The following POLR2F variants were observed in gnomAD, a reference collection of about 807,000 sequenced individuals.
The protein encoded by POLR2F is DNA-directed RNA polymerases I, II, and III subunit RPABC2.
POLR2F carries 12 observed loss-of-function variants against 22.7 expected under a neutral mutation model. The observed-to-expected ratio is 0.53, with a 90% CI of 0.34 to 0.86. The LOEUF (loss-of-function observed/expected upper bound fraction) is 0.86, where lower values mean the gene tolerates loss of function less well. Ranked by LOEUF, POLR2F falls within the 40% of genes least tolerant of loss-of-function variation. The pLI, the probability that POLR2F is intolerant of heterozygous loss-of-function variation, is 0.02. For synonymous variants in POLR2F, 57 were observed against 66.0 expected, an observed-to-expected ratio of 0.86 and a Z score of 0.66; for missense variants, 126 against 171.5, an observed-to-expected ratio of 0.73 and a Z score of 1.48.
At position 37,953,750 on chromosome 22, in the gene POLR2F, G is replaced by A. The variant is rs765992537; in HGVS notation, c.-38G>A. 3.1e-6 allele frequency: 5 copies of A among 1,601,606 alleles called. No individual in the cohort carries two copies. The South Asian group carries it at 3.4e-5, about 11-fold the overall frequency. On this transcript the variant is annotated 5_prime_UTR_variant, in exon 1 of 5. Transcript: ENST00000442738. Reference sequence around the variant, plus strand: ...GTCGCTGTTTGCGGGTCTCCGCGCGGGACCGGGGCGCAGCGGGGTCGCTGA... The same window carrying A: ...GTCGCTGTTTGCGGGTCTCCGCGCGAGACCGGGGCGCAGCGGGGTCGCTGA...
At chr22:37,956,501 C>G (rs1273483361) in intron 1 of POLR2F, among the ~76,000 whole-genome samples, 1 of 151,918 alleles carries the variant, frequency 6.6e-6, no homozygotes, top group Non-Finnish European at 1.5e-5. Flanking sequence ...ACTGCAACCT[C>G]CACCTCCTGG....
chr22:38,005,742 G>A (rs988197322), intron 1 of POLR2F, among the ~76,000 whole-genome samples: 1 of 152,174 alleles, frequency 6.6e-6, no homozygotes, highest in Admixed American at 6.5e-5. Flanking sequence ...CTGCAGAGTG[G>A]GACCTCCTTG....
chr22:37,987,883 G>A lies in POLR2F; in HGVS notation c.120+1571G>A, dbSNP rs118166169. 529 of 155,980 alleles carry A rather than the reference G, an allele frequency of 3.4e-3. 4 individuals carry two copies. The highest frequency in any genetic ancestry group is 5.7e-3 in the Non-Finnish European group (405 of 70,452). 9.7% of individuals were successfully genotyped at this position (155,980 alleles called of 1,614,324 possible). ...GGCCTGGCTTGCGGATACGGGGTTTGGCGTAGGGCAGTGCTTCTCAAATGG... is the reference window on the plus strand; with the variant it reads ...GGCCTGGCTTGCGGATACGGGGTTTAGCGTAGGGCAGTGCTTCTCAAATGG... On this transcript the variant is annotated intron_variant, in intron 1 of 2. Coordinates refer to the POLR2F transcript ENST00000333418.
chr22:38,023,135 C>A (rs2145822595), intron 1 of POLR2F, among the ~76,000 whole-genome samples: 1 of 152,320 alleles, frequency 6.6e-6, no homozygotes. Context: ...CTGAAGACTC[C>A]TGGGCTGTGA....
upstream of POLR2F, chr22:37,953,667 A>G (rs1203789962): frequency 1.6e-6 from 2 of 1,251,098 alleles, no homozygotes; most frequent in African/African-American, 2.9e-5. Flanking sequence ...CCCGGAAGTG[A>G]TTTCCTCTGG....
At chr22:37,974,082 C>A, downstream of POLR2F, 1 of 1,613,902 alleles carries the variant, frequency 6.2e-7, no homozygotes. This position sits in a 1 kb window ranked among gnomAD's most constrained non-coding sequence, Gnocchi z 5.4. Context: ...TTGCCGAAGT[C>A]GATGTGAGGC....
In POLR2F at chr22:37,967,694, C is replaced by T. The variant is rs748971644; in HGVS notation, c.363C>T (p.Asp121=). The T allele has an allele frequency of 3.7e-5, 59 of 1,613,568 alleles. No homozygotes were observed. Among genetic ancestry groups the T allele is most frequent in the Non-Finnish European group, 4.5e-5 (53 of 1,179,842 alleles). The change falls in exon 5 of 5, where the codon GAC becomes GAT. Residue 121 remains aspartate, a synonymous_variant. Transcript: ENST00000442738. ...GGAGCTATGAAGACTGGGGGGTGGACGAGCTCATCATCACCGACTGAGCTG... is the reference window on the plus strand; with the variant it reads ...GGAGCTATGAAGACTGGGGGGTGGATGAGCTCATCATCACCGACTGAGCTG... The part of the protein sequence containing the change: ...PDGSYEDWGV[D]ELIITD
At chr22:38,023,447 GT>G (rs973343570) in intron 1 of POLR2F, among the ~76,000 whole-genome samples, 2 of 151,440 alleles carry the variant, frequency 1.3e-5, no homozygotes, top group African/African-American at 4.9e-5. Flanking sequence ...TTTCCAATAA[GT>G]TTGTGTGTGT....
At chr22:38,022,128 CAAA>C (rs11315200) in intron 1 of POLR2F, among the ~76,000 whole-genome samples, 82 of 134,460 alleles carry the variant, frequency 6.1e-4, no homozygotes, top group African/African-American at 1.6e-3. Context: ...GATACTGTCT[CAAA>C]AAAAAAAAAA....
chr22:37,963,192 C>G (rs1401592509), intron 3 of POLR2F, among the ~76,000 whole-genome samples: 1 of 151,910 alleles, frequency 6.6e-6, no homozygotes, highest in Admixed American at 6.6e-5. Context: ...TCACCATGTT[C>G]GTTGGCCAGG....
rs537176706 is a variant in POLR2F at position 38,040,857 on chromosome 22, G to A, written c.453-211G>A. ...TGCACACGGTCAGCGCTCTGTAATG[G>A]CAGCTTTTATAAAACGTGTGGAGGA... On this transcript the variant is annotated intron_variant, in intron 5 of 5. Coordinates refer to the POLR2F transcript ENST00000407936. The A allele has an allele frequency of 4.1e-5, 28 of 686,844 alleles. 1 individual carries two copies. The South Asian group carries it at 5.0e-4, about 12-fold the overall frequency. The allele number at this position is 686,844 out of a possible 1,614,324, so 42.5% of individuals were successfully genotyped here.
chr22:38,029,690 T>C (rs148995139), downstream of POLR2F, among the ~76,000 whole-genome samples: 18 of 152,258 alleles, frequency 1.2e-4, no homozygotes, highest in African/African-American at 4.1e-4. Flanking sequence ...GACCAGTCTG[T>C]CCTCCATTAA....
intron 3 of POLR2F, among the ~76,000 whole-genome samples, chr22:37,960,436 C>T (rs1931586572): frequency 6.6e-6 from 1 of 152,122 alleles, no homozygotes; most frequent in Non-Finnish European, 1.5e-5. Context: ...CTCGCTCTAT[C>T]ACCCAGCCTG....
Position 37,996,211 on chromosome 22 carries a change from C to T in POLR2F, c.120+9899C>T, listed in dbSNP as rs570372856. Among the ~76,000 whole-genome samples the T allele has an allele frequency of 5.9e-5, 9 of 152,302 alleles. No individual in the cohort carries two copies. In the East Asian group the frequency reaches 1.7e-3, roughly 29 times the overall value. On this transcript the variant is annotated intron_variant, in intron 1 of 2. Transcript: ENST00000333418. ...GATGGGGGATCTGAGCCAGCTCCAC[C>T]CCTTCCCCCAGCAGGCAGGAAGGAC...
chr22:38,014,040 T>G (rs1187727516), intron 1 of POLR2F, among the ~76,000 whole-genome samples: 2 of 150,256 alleles, frequency 1.3e-5, no homozygotes, highest in Non-Finnish European at 3.0e-5. Context: ...GAGAATGGCT[T>G]GAACCTGGGA....
chr22:37,971,986 C>G (rs1016064315), downstream of POLR2F, among the ~76,000 whole-genome samples: 11 of 150,894 alleles, frequency 7.3e-5, no homozygotes, highest in Non-Finnish European at 1.3e-4. Context: ...GGGATGCCAG[C>G]TGTCCTAACA....
At chr22:37,989,711 G>A (rs569672991) in intron 1 of POLR2F, among the ~76,000 whole-genome samples, 33 of 152,354 alleles carry the variant, frequency 2.2e-4, no homozygotes, top group Non-Finnish European at 4.3e-4. Flanking sequence ...CTCGCCCAGC[G>A]AATGATGACA....
At chr22:38,015,726 C>T (rs970220517) in intron 1 of POLR2F, among the ~76,000 whole-genome samples, 2 of 152,172 alleles carry the variant, frequency 1.3e-5, no homozygotes, top group Non-Finnish European at 2.9e-5. Flanking sequence ...TCCATGATAG[C>T]AACAACACCA....
chr22:37,985,955 G>T, upstream of POLR2F: 1 of 841,756 alleles, frequency 1.2e-6, no homozygotes, highest in South Asian at 2.0e-5. Context: ...TCTCTCGCTT[G>T]CTGGCCTTGG....
Sources: gnomAD v4.1 joint callset for allele counts (sites outside exome capture counted in the v4.1 genomes callset) on GRCh38, gnomAD v4.1.1 for gene constraint, Gnocchi (gnomAD v3.1) non-coding constraint, MANE v1.5 for transcripts, NCBI Gene and HGNC (gene_info 2026-07-23, HGNC 2026-07-21) for gene names.